The following WDR12 variants were observed in gnomAD, a reference collection of about 807,000 sequenced individuals.
WDR12 encodes the protein ribosome biogenesis protein WDR12.
In WDR12, 42 loss-of-function variants were observed where a neutral mutation model predicts 64.3. The ratio of observed to expected loss-of-function variants is 0.65; its 90% CI spans 0.51 to 0.84. The LOEUF (loss-of-function observed/expected upper bound fraction) is 0.84. Ranked by LOEUF, WDR12 falls within the 40% of genes least tolerant of loss-of-function variation. The probability of loss-of-function intolerance (pLI) is 0.00; values close to 1 mark genes in which losing one functional copy is unlikely to be tolerated. For synonymous variants in WDR12, 158 were observed against 173.3 expected (o/e 0.91, Z 0.70); for missense variants, 469 against 494.6 (o/e 0.95, Z 0.49).
intron 5 of WDR12, among the ~76,000 whole-genome samples, chr2:202,896,795 T>C (rs1688250583): frequency 6.6e-6 from 1 of 152,100 alleles, no homozygotes; most frequent in African/African-American, 2.4e-5. Flanking sequence ...GAGATCAGCC[T>C]GGCCAAGATG....
Position 202,884,465 on chromosome 2 carries a change from A to G in WDR12, c.812T>C (p.Ile271Thr). The change falls in exon 9 of 13, where the codon ATC (isoleucine) becomes ACC (threonine). Residue 271 changes from isoleucine (I) to threonine (T), a missense_variant. By Grantham distance (89) the Ile-to-Thr change is moderately conservative. Coordinates refer to ENST00000261015, the MANE Select transcript of WDR12 (RefSeq NM_018256.4). ...TGTATGGTCCCAAGATGCACTGCAG[A>G]TTTCTTCAGCATCTGACCACAGAAC... ...SSVLWSDAEE[I>T]CSASWDHTIR... 1.9e-6 allele frequency: 3 copies of G among 1,614,210 alleles called. No individual in the cohort carries two copies. Among genetic ancestry groups the G allele is most frequent in the East Asian group, 2.2e-5 (1 of 44,884 alleles).
At chr2:202,905,690 A>T (rs1168943122) in intron 2 of WDR12, among the ~76,000 whole-genome samples, 1 of 152,264 alleles carries the variant, frequency 6.6e-6, no homozygotes, top group African/African-American at 2.4e-5. Flanking sequence ...ATTCAGCCAT[A>T]AAAAAGAATG....
intron 1 of WDR12, 112 bp from the exon 2 acceptor site, chr2:202,908,071 T>A: frequency 1.0e-6 from 1 of 977,180 alleles, no homozygotes; most frequent in East Asian, 2.7e-5. Flanking sequence ...CATCCAGACA[T>A]TTTGCTACAT....
chr2:202,900,446 TG>T (rs1408297782), intron 3 of WDR12, among the ~76,000 whole-genome samples: 1 of 152,166 alleles, frequency 6.6e-6, no homozygotes, highest in East Asian at 1.9e-4. Flanking sequence ...AAAATGGTGA[TG>T]GTTGCATAAT....
chr2:202,894,569 T>C lies in WDR12; in HGVS notation c.655+12A>G. 3.8e-6 allele frequency: 6 copies of C among 1,594,546 alleles called. No individual in the cohort carries two copies. Among genetic ancestry groups the C allele is most frequent in the Non-Finnish European group, 5.1e-6 (6 of 1,171,762 alleles). ...CATTATTAAGTCAAGGTAAAATAAA[T>C]ATTTAATTTACCTGTAGACCAGATC... On this transcript the variant is annotated intron_variant, in intron 7 of 12. Coordinates refer to ENST00000261015, the MANE Select transcript of WDR12 (RefSeq NM_018256.4).
At position 202,882,753 on chromosome 2, in the gene WDR12, A is replaced by C. The variant is rs192575551; in HGVS notation, c.1152T>G (p.Ala384=). 6.5e-5 allele frequency: 105 copies of C among 1,614,108 alleles called. 2 individuals carry two copies. The East Asian group carries it at 2.3e-3, about 36-fold the overall frequency. The change falls in exon 12 of 13, where the codon GCT becomes GCG. Residue 384 remains alanine, a synonymous_variant. Transcript: ENST00000261015. The part of the protein sequence containing the change: ...SCKAPLYDLA[A]HEDKVLSVDW... ...CTACACTCAGAACTTTGTCTTCATG[A>C]GCAGCCAGATCATAGAGAGGAGCCT...
intron 3 of WDR12, among the ~76,000 whole-genome samples, 161 bp downstream of exon 3, chr2:202,900,864 A>G (rs1344322552): frequency 6.6e-6 from 1 of 152,208 alleles, no homozygotes; most frequent in Non-Finnish European, 1.5e-5. Context: ...ATACACACAT[A>G]AAATATACAC....
chr2:202,908,054 T>C, intron 1 of WDR12, 95 bp from the exon 2 acceptor site: 2 of 1,131,380 alleles, frequency 1.8e-6, no homozygotes, highest in East Asian at 2.6e-5. Context: ...GGTAAATAAA[T>C]GCCAGACATC....
intron 1 of WDR12, among the ~76,000 whole-genome samples, chr2:202,909,115 G>T (rs1688517486): frequency 6.6e-6 from 1 of 152,204 alleles, no homozygotes; most frequent in African/African-American, 2.4e-5. Context: ...CAGTTGCTTT[G>T]GAAAACAGTC....
chr2:202,892,721 G>C lies in WDR12; in HGVS notation c.656-19C>G. On this transcript the variant is annotated intron_variant, in intron 7 of 12. Transcript: ENST00000261015. ...GTAGGGACTGTGTCATAGAGAATTA[G>C]ATTTGACATTTTAAAAACAGTATTA... 6.4e-7 allele frequency: 1 copy of C among 1,568,674 alleles called. No individual in the cohort carries two copies. Among genetic ancestry groups the C allele is most frequent in the Non-Finnish European group, 8.8e-7 (1 of 1,141,228 alleles).
chr2:202,911,446 C>T lies in WDR12; in HGVS notation c.31G>A (p.Asp11Asn). The change falls in exon 1 of 13, where the codon GAT becomes AAT. Residue 11 changes from aspartate to asparagine, a missense_variant. Coordinates refer to ENST00000261015, the MANE Select transcript of WDR12 (RefSeq NM_018256.4). ...GGAACGCTTACTTACTTCTTGTTAT[C>T]AGTGTAGAAGCGTGTTTGGAGCTGA... The part of the protein sequence containing the change: MAQLQTRFYT[D>N]NKKYAVDDVP... 1 of 1,614,110 alleles carries T rather than the reference C, an allele frequency of 6.2e-7. No homozygotes were observed. Among genetic ancestry groups the T allele is most frequent in the Non-Finnish European group, 8.5e-7 (1 of 1,179,994 alleles).
In WDR12 at chr2:202,890,223, T is replaced by C. The variant is rs568123257; in HGVS notation, c.741+2394A>G. On this transcript the variant is annotated intron_variant, in intron 8 of 12. Transcript: ENST00000261015. ...CAGCCTGGGTGACAGAGTGAGACCCTATCTCAATAATGGATAAATTGTGGC... is the reference window on the plus strand; with the variant it reads ...CAGCCTGGGTGACAGAGTGAGACCCCATCTCAATAATGGATAAATTGTGGC... Among the ~76,000 whole-genome samples the C allele has an allele frequency of 3.6e-4, 54 of 151,602 alleles. 1 individual carries two copies. The South Asian group carries it at 0.011, about 32-fold the overall frequency.
Position 202,877,451 on chromosome 2 carries a change from C to G in WDR12, c.*3409G>C, listed in dbSNP as rs948202234. 6.6e-6 allele frequency: 1 copy of G among 151,778 alleles called. No individual in the cohort carries two copies. The highest frequency in any genetic ancestry group is 2.4e-5 in the African/African-American group (1 of 41,318). The allele number at this position is 151,778 out of a possible 1,614,324, so 9.4% of individuals were successfully genotyped here. On this transcript the variant is annotated 3_prime_UTR_variant, in exon 13 of 13. Transcript: ENST00000261015. ...CAGCTTGAGCCCAGGAGTTCAAGAC[C>G]AGCATGGGCTACATGGCGAAACCCT...
At chr2:202,881,934 C>T (rs1687955120) in intron 12 of WDR12, among the ~76,000 whole-genome samples, 1 of 151,924 alleles carries the variant, frequency 6.6e-6, no homozygotes, top group Admixed American at 6.6e-5. Flanking sequence ...ATTTACTATT[C>T]CTAGTATTAT....
chr2:202,893,946 T>C (rs567807767), intron 7 of WDR12, among the ~76,000 whole-genome samples: 1 of 152,290 alleles, frequency 6.6e-6, no homozygotes, highest in African/African-American at 2.4e-5. Context: ...TCAAAAGTCA[T>C]TCTTACATTA....
rs2105901499 is a variant in WDR12 at position 202,880,028 on chromosome 2, C to T, written c.*832G>A. ...ATGTGCTGGGATTACAGGTGTGAGC[C>T]ACCATGCCCAGCCTACATTTTTTTT... On this transcript the variant is annotated 3_prime_UTR_variant, in exon 13 of 13. Transcript: ENST00000261015. 1 of 152,322 alleles carries T rather than the reference C, an allele frequency of 6.6e-6. No homozygotes were observed. The highest frequency in any genetic ancestry group is 2.1e-4 in the South Asian group (1 of 4,826). The allele number at this position is 152,322 out of a possible 1,614,324, so 9.4% of individuals were successfully genotyped here. A position where few individuals can be genotyped will look rare whatever the true frequency, so the allele number is the denominator to read the frequency against.
intron 3 of WDR12, among the ~76,000 whole-genome samples, chr2:202,900,232 G>A (rs1688324684): frequency 6.6e-6 from 1 of 151,792 alleles, no homozygotes; most frequent in Non-Finnish European, 1.5e-5. Context: ...TGGAGGCTGA[G>A]GCGCAAGAAT....
Position 202,901,024 on chromosome 2 carries a change from C to G in WDR12, c.231+1G>C. On this transcript the variant is annotated splice_donor_variant, in intron 3 of 12. Transcript: ENST00000261015. LOFTEE classifies it high-confidence loss of function. The stretch of plus-strand genomic sequence containing the variant: ...TACAGAAGATAAGAATTTGAACTTA[C>G]TGATGAGATGTTCTCCATTTCCATG... 1 of 1,579,502 alleles carries G rather than the reference C, an allele frequency of 6.3e-7. No homozygotes were observed. The highest frequency in any genetic ancestry group is 1.2e-5 in the South Asian group (1 of 85,640).
At chr2:202,906,958 ATT>A (rs112645694) in intron 2 of WDR12, among the ~76,000 whole-genome samples, 3 of 145,234 alleles carry the variant, frequency 2.1e-5, no homozygotes, top group Non-Finnish European at 3.0e-5. Context: ...AAACTTCAAC[ATT>A]TTTTTTTTTT....
Sources: gnomAD v4.1 joint callset for allele counts (sites outside exome capture counted in the v4.1 genomes callset) on GRCh38, gnomAD v4.1.1 for gene constraint, MANE v1.5 for transcripts, NCBI Gene and HGNC (gene_info 2026-07-23, HGNC 2026-07-21) for gene names.